SGIP1: variants seen among roughly 807,000 people sequenced by gnomAD.
The protein encoded by SGIP1 is SH3GL interacting endocytic adaptor 1.
In SGIP1, 38 loss-of-function variants were observed where a neutral mutation model predicts 107.5. The observed-to-expected ratio is 0.35, with a 90% confidence interval of 0.27 to 0.46. SGIP1 has a LOEUF of 0.46. SGIP1 is among the 20% of genes least tolerant of loss of function. SGIP1 has a pLI of 1.00. For synonymous variants in SGIP1, 365 were observed against 366.1 expected (o/e 1.00, Z 0.03); for missense variants, 929 against 1,019.5 (o/e 0.91, Z 1.21).
At chr1:66,549,351 A>G (rs1400154973) in intron 1 of SGIP1, among the ~76,000 whole-genome samples, 1 of 152,228 alleles carries the variant, frequency 6.6e-6, no homozygotes, top group Non-Finnish European at 1.5e-5. Flanking sequence ...ACCTCATGAA[A>G]CAGACATTGT....
intron 1 of SGIP1, 77 bp from the exon 2 acceptor site, chr1:66,625,770 G>A: frequency 1.6e-6 from 2 of 1,252,762 alleles, no homozygotes; most frequent in Non-Finnish European, 2.3e-6. Context: ...AAGTCTAACT[G>A]GTGTGTTACA....
intron 18 of SGIP1, among the ~76,000 whole-genome samples, chr1:66,703,518 C>A (rs1359462): frequency 0.43 from 64,284 of 151,048 alleles, 14,248 homozygotes; most frequent in East Asian, 0.72. Context: ...CATATACATA[C>A]ATATGCACAC....
At chr1:66,602,267 A>C (rs1252832860) in intron 1 of SGIP1, among the ~76,000 whole-genome samples, 1 of 152,184 alleles carries the variant, frequency 6.6e-6, no homozygotes, top group Non-Finnish European at 1.5e-5. Flanking sequence ...CTGAAACTCG[A>C]CCCATGTGAC....
intron 1 of SGIP1, among the ~76,000 whole-genome samples, chr1:66,588,389 A>G (rs533801600): frequency 3.0e-4 from 46 of 151,232 alleles, no homozygotes; most frequent in South Asian, 8.4e-4. Context: ...ACAAAAAAAT[A>G]TTAGAACTTC....
At chr1:66,562,102 A>C (rs2059032621) in intron 1 of SGIP1, among the ~76,000 whole-genome samples, 1 of 151,960 alleles carries the variant, frequency 6.6e-6, no homozygotes, top group Admixed American at 6.6e-5. Context: ...AGCCAAAAAA[A>C]AAAAATCTGG....
At chr1:66,724,006 AG>A (rs2093652167) in intron 19 of SGIP1, among the ~76,000 whole-genome samples, 1 of 152,238 alleles carries the variant, frequency 6.6e-6, no homozygotes, top group Non-Finnish European at 1.5e-5. Flanking sequence ...TATGAAAAGC[AG>A]TACATAAGCC....
At chr1:66,627,042 T>C (rs183956526) in intron 2 of SGIP1, among the ~76,000 whole-genome samples, 107 of 152,330 alleles carry the variant, frequency 7.0e-4, no homozygotes, top group Non-Finnish European at 3.1e-4. Context: ...ACATAAATTA[T>C]TGTTTGTACA....
At chr1:66,551,973 G>A (rs914268110) in intron 1 of SGIP1, among the ~76,000 whole-genome samples, 4 of 152,092 alleles carry the variant, frequency 2.6e-5, no homozygotes, top group African/African-American at 9.7e-5. Flanking sequence ...TATAAATGGT[G>A]GATCACCTAT....
At chr1:66,565,708 C>A (rs1433242552) in intron 1 of SGIP1, among the ~76,000 whole-genome samples, 2 of 151,968 alleles carry the variant, frequency 1.3e-5, no homozygotes, top group Admixed American at 1.3e-4. Flanking sequence ...CTAGAAGACT[C>A]TCGCTCCTCT....
At chr1:66,679,625 T>C in intron 13 of SGIP1, 53 bp from the exon 14 acceptor site, 7 of 1,554,166 alleles carry the variant, frequency 4.5e-6, no homozygotes, top group Non-Finnish European at 6.1e-6. Flanking sequence ...AAGTGTATTG[T>C]ATGACTTAGG....
intron 2 of SGIP1, among the ~76,000 whole-genome samples, chr1:66,630,844 A>G (rs922750587): frequency 4.7e-5 from 1 of 21,136 alleles, no homozygotes; most frequent in Non-Finnish European, 7.8e-5. Context: ...AGAAAGAAAG[A>G]AAGAAAGAAA....
chr1:66,641,589 G>A (rs1046242898), intron 5 of SGIP1, among the ~76,000 whole-genome samples: 2 of 152,060 alleles, frequency 1.3e-5, no homozygotes, highest in African/African-American at 2.4e-5. Flanking sequence ...CTTGAGAAAT[G>A]GCGTCTGATT....
intron 19 of SGIP1, among the ~76,000 whole-genome samples, chr1:66,728,885 T>G (rs1444956003): frequency 6.6e-6 from 1 of 151,964 alleles, no homozygotes; most frequent in East Asian, 1.9e-4. Flanking sequence ...TTCTCACTTA[T>G]AAGTGGGAGC....
At chr1:66,562,798 G>A (rs3795530) in intron 1 of SGIP1, among the ~76,000 whole-genome samples, 41,927 of 151,910 alleles carry the variant, frequency 0.28, 6,178 homozygotes, top group East Asian at 0.44. Context: ...GAGGGGACAC[G>A]GGAAGGAGGA....
intron 1 of SGIP1, among the ~76,000 whole-genome samples, chr1:66,578,369 A>T (rs1442106850): frequency 6.6e-6 from 1 of 152,186 alleles, no homozygotes; most frequent in Non-Finnish European, 1.5e-5. Flanking sequence ...GGAGTTTATA[A>T]GCTGCTCGGG....
intron 2 of SGIP1, among the ~76,000 whole-genome samples, chr1:66,632,078 A>G (rs1270284788): frequency 6.6e-6 from 1 of 152,192 alleles, no homozygotes; most frequent in Non-Finnish European, 1.5e-5. Context: ...TTCCTAGTGA[A>G]GAGACATCTT....
Position 66,750,035 on chromosome 1 carries a change from G to GT in SGIP1, c.*6940_*6941insT, listed in dbSNP as rs1557865962. On this transcript the variant is annotated 3_prime_UTR_variant, in exon 25 of 25. Coordinates refer to ENST00000371037, the MANE Select transcript of SGIP1 (RefSeq NM_032291.4). ...TCTCTCTTTCTCTGTGTGTGTGTGG[G>GT]GGTGTGTGTGTGTGTGTGTGTGTGT... Among the ~76,000 whole-genome samples the GT allele has an allele frequency of 0.059, 1,784 of 30,100 alleles. 22 individuals are homozygous for GT. The highest frequency in any genetic ancestry group is 0.087 in the East Asian group (224 of 2,562). 19.7% of individuals were successfully genotyped at this position (30,100 alleles called of 152,430 possible).
intron 5 of SGIP1, among the ~76,000 whole-genome samples, chr1:66,640,814 G>A (rs2076646406): frequency 6.7e-6 from 1 of 149,802 alleles, no homozygotes; most frequent in Non-Finnish European, 1.5e-5. Context: ...ACTGAAGAAG[G>A]AGGAAAAGAG....
chr1:66,591,219 T>G (rs1300597538), intron 1 of SGIP1, among the ~76,000 whole-genome samples: 2 of 152,194 alleles, frequency 1.3e-5, no homozygotes, highest in African/African-American at 4.8e-5. Context: ...TACCAAACCA[T>G]TTCACCAACA....
Sources: allele counts gnomAD v4.1 joint callset (sites outside exome capture counted in the v4.1 genomes callset), GRCh38; gene constraint gnomAD v4.1.1; transcripts MANE v1.5; gene names NCBI Gene and HGNC (gene_info 2026-07-23, HGNC 2026-07-21).